Variants in XYLT1 observed in about 807,000 individuals in gnomAD.
XYLT1 encodes beta-D-xylosyltransferase 1.
XYLT1 carries 36 observed loss-of-function variants against 91.3 expected under a neutral mutation model. The observed-to-expected ratio is 0.39, with a 90% CI of 0.30 to 0.52. The LOEUF is 0.52. XYLT1 is among the 20% of genes least tolerant of loss of function. The probability of loss-of-function intolerance (pLI) is 0.68; values close to 1 mark genes in which losing one functional copy is unlikely to be tolerated. For missense variants in XYLT1, 1,242 were observed against 1,284.5 expected (o/e 0.97, Z 0.51); for synonymous variants, 588 against 532.0 (o/e 1.11, Z -1.45).
At chr16:17,147,192 T>C (rs981482155) in intron 6 of XYLT1, among the ~76,000 whole-genome samples, 8 of 152,324 alleles carry the variant, frequency 5.3e-5, no homozygotes, top group Non-Finnish European at 1.2e-4. Flanking sequence ...AACTGGGTCA[T>C]CAAAGGAAGC....
At chr16:17,191,371 T>C (rs1395185337) in intron 5 of XYLT1, among the ~76,000 whole-genome samples, 4 of 152,240 alleles carry the variant, frequency 2.6e-5, no homozygotes, top group African/African-American at 9.6e-5. Flanking sequence ...CATGGATGCT[T>C]GGACTTCCAT....
chr16:17,358,079 G>A, intron 1 of XYLT1, 29 bp from the exon 2 acceptor site: 2 of 1,604,230 alleles, frequency 1.2e-6, no homozygotes, highest in Non-Finnish European at 1.7e-6. Flanking sequence ...AAATGCACGT[G>A]AGGAGTGAAA....
chr16:17,274,095 A>G (rs1220674153), intron 2 of XYLT1, among the ~76,000 whole-genome samples: 1 of 151,946 alleles, frequency 6.6e-6, no homozygotes, highest in Non-Finnish European at 1.5e-5. Context: ...TATTTTTAGT[A>G]GAGACAGCGT....
Position 17,370,829 on chromosome 16 carries a change from T to A in XYLT1, c.364-12779A>T, listed in dbSNP as rs531188875. On this transcript the variant is annotated intron_variant, in intron 1 of 11. Transcript: ENST00000261381. ...AAATCAGAAGACCTAGCTACACAAA[T>A]CCAGCATTTTCCTAAGGCACTGCCT... 2.0e-5 allele frequency among the ~76,000 whole-genome samples: 3 copies of A among 152,316 alleles called. No homozygotes were observed. The South Asian group carries it at 6.2e-4, about 32-fold the overall frequency.
Position 17,259,085 on chromosome 16 carries a change from C to T in XYLT1, c.816G>A (p.Lys272=). The T allele has an allele frequency of 1.3e-6, 2 of 1,543,518 alleles. No individual in the cohort carries two copies. Among genetic ancestry groups the T allele is most frequent in the Non-Finnish European group, 1.7e-6 (2 of 1,146,596 alleles). Residue 272 remains lysine, a synonymous_variant, in exon 3 of 12, where the codon AAG becomes AAA. Transcript: ENST00000261381. ...CAATCTCCTGGCGGCAGTGCTTGGA[C>T]TTAGCACGGGACAGGGCAGAGATGG... The part of the protein sequence containing the change: ...KEAISALSRA[K]SKHCRQEIGE...
chr16:17,138,387 C>T lies in XYLT1; in HGVS notation c.1732G>A (p.Asp578Asn), dbSNP rs1178714318. Residue 578 changes from aspartate (D) to asparagine (N), a missense_variant, in exon 8 of 12, where the codon GAC becomes AAC. Transcript: ENST00000261381. ...CGGTGGAAGTCCTGCGGCTTGAAGT[C>T]ATTGGGGGAGCAGCCGCACCAGTCC... ...IVDWCGCSPN[D>N]FKPQDFHRFQ... The T allele has an allele frequency of 6.2e-7, 1 of 1,614,014 alleles. No individual in the cohort carries two copies. The highest frequency in any genetic ancestry group is 2.2e-5 in the East Asian group (1 of 44,882).
At chr16:17,315,719 A>T (rs2034620784) in intron 2 of XYLT1, among the ~76,000 whole-genome samples, 1 of 152,202 alleles carries the variant, frequency 6.6e-6, no homozygotes, top group Non-Finnish European at 1.5e-5. Context: ...TTCAGGTTAG[A>T]AAACGGAAGC....
intron 2 of XYLT1, among the ~76,000 whole-genome samples, chr16:17,305,093 C>T (rs1043216776): frequency 6.6e-6 from 1 of 152,164 alleles, no homozygotes; most frequent in African/African-American, 2.4e-5. Flanking sequence ...GATGAGCCTG[C>T]ATCATCTCCC....
At chr16:17,434,738 C>T (rs760999524) in intron 1 of XYLT1, among the ~76,000 whole-genome samples, 8 of 152,066 alleles carry the variant, frequency 5.3e-5, no homozygotes, top group Non-Finnish European at 1.0e-4. Flanking sequence ...TGTGGTAGCA[C>T]ACATCTGTAG....
At chr16:17,465,167 A>AAAG (rs1175516092) in intron 1 of XYLT1, among the ~76,000 whole-genome samples, 1 of 151,296 alleles carries the variant, frequency 6.6e-6, no homozygotes, top group African/African-American at 2.4e-5. Flanking sequence ...AAAAAAAAAA[A>AAAG]AAAAGATTTT....
At chr16:17,349,765 A>C (rs530606925) in intron 2 of XYLT1, among the ~76,000 whole-genome samples, 1 of 151,918 alleles carries the variant, frequency 6.6e-6, no homozygotes, top group Non-Finnish European at 1.5e-5. Context: ...CATGCAGTAT[A>C]AATGCTTAAT....
At chr16:17,201,475 CTT>C (rs552724633) in intron 3 of XYLT1, among the ~76,000 whole-genome samples, 26 of 140,566 alleles carry the variant, frequency 1.8e-4, no homozygotes, top group Admixed American at 3.6e-4. Context: ...GAGAGGTTAT[CTT>C]TTTTTTTTTT....
At chr16:17,424,739 G>T (rs1183491771) in intron 1 of XYLT1, among the ~76,000 whole-genome samples, 4 of 151,892 alleles carry the variant, frequency 2.6e-5, no homozygotes, top group Non-Finnish European at 4.4e-5. Flanking sequence ...GTAGTGGTAG[G>T]TGCCTGTAAT....
chr16:17,220,551 C>T (rs1040913414), intron 3 of XYLT1, among the ~76,000 whole-genome samples: 1 of 152,212 alleles, frequency 6.6e-6, no homozygotes, highest in Non-Finnish European at 1.5e-5. Context: ...CGGCTCACTG[C>T]AACCCCTGCC....
chr16:17,236,828 C>G (rs541457936), intron 3 of XYLT1, among the ~76,000 whole-genome samples: 1 of 152,108 alleles, frequency 6.6e-6, no homozygotes, highest in African/African-American at 2.4e-5. Context: ...TCTTTTTATA[C>G]GGACACAGTC....
intron 1 of XYLT1, among the ~76,000 whole-genome samples, chr16:17,365,603 C>T (rs757334552): frequency 7.2e-5 from 11 of 152,058 alleles, no homozygotes; most frequent in Non-Finnish European, 1.3e-4. Context: ...GGGTGTATTG[C>T]GCGCTCTCTT....
Position 17,258,972 on chromosome 16 carries a change from C to A in XYLT1, c.913+16G>T, listed in dbSNP as rs540575525. Reference sequence around the variant, plus strand: ...GCCAGGAGATCCCTCTCTGAGCCAGCGGGGTTGGAACTTACCCTCGAGGGG... The same window carrying A: ...GCCAGGAGATCCCTCTCTGAGCCAGAGGGGTTGGAACTTACCCTCGAGGGG... On this transcript the variant is annotated intron_variant, in intron 3 of 11. Transcript: ENST00000261381. 2 of 1,487,084 alleles carry A rather than the reference C, an allele frequency of 1.3e-6. No homozygotes were observed. The highest frequency in any genetic ancestry group is 1.8e-6 in the Non-Finnish European group (2 of 1,117,450). 92.1% of individuals were successfully genotyped at this position (1,487,084 alleles called of 1,614,324 possible).
intron 1 of XYLT1, among the ~76,000 whole-genome samples, chr16:17,424,210 C>G (rs1329496664): frequency 6.6e-6 from 1 of 152,214 alleles, no homozygotes; most frequent in African/African-American, 2.4e-5. Flanking sequence ...GACTCTGCCA[C>G]TTCTTAGCTG....
intron 1 of XYLT1, among the ~76,000 whole-genome samples, chr16:17,445,640 T>C (rs2036582180): frequency 6.6e-6 from 1 of 152,212 alleles, no homozygotes; most frequent in Non-Finnish European, 1.5e-5. Context: ...TGGAGGCTCC[T>C]CTGTGGCCTC....
Sources: gnomAD v4.1 joint callset for allele counts (sites outside exome capture counted in the v4.1 genomes callset) on GRCh38, gnomAD v4.1.1 for gene constraint, MANE v1.5 for transcripts, NCBI Gene and HGNC (gene_info 2026-07-23, HGNC 2026-07-21) for gene names.